METTL13: variants seen among roughly 807,000 people sequenced by gnomAD.
The protein encoded by METTL13 is eEF1A lysine and N-terminal methyltransferase.
Under a neutral mutation model 67.4 loss-of-function variants are expected in METTL13, and 52 were observed. The ratio of observed to expected loss-of-function variants is 0.77; its 90% CI spans 0.62 to 0.97. The LOEUF is 0.97. Ranked by LOEUF, METTL13 falls within the 50% of genes least tolerant of loss-of-function variation. The probability of loss-of-function intolerance (pLI) is 0.00; values close to 1 mark genes in which losing one functional copy is unlikely to be tolerated. For synonymous variants in METTL13, 354 were observed against 353.6 expected (o/e 1.00, Z -0.01); for missense variants, 825 against 889.6 (o/e 0.93, Z 0.92).
chr1:171,783,931 C>A lies in METTL13; in HGVS notation c.345C>A (p.Phe115Leu), dbSNP rs2124896386. 1.2e-6 allele frequency: 2 copies of A among 1,614,182 alleles called. No homozygotes were observed. The highest frequency in any genetic ancestry group is 2.2e-5 in the South Asian group (2 of 91,084). Residue 115 changes from phenylalanine to leucine, a missense_variant, in exon 2 of 8, where the codon TTC (phenylalanine) becomes TTA (leucine). Phe to Leu is a conservative substitution (Grantham distance 22). Transcript: ENST00000361735. ...MTQMEFPDAS[F>L]QVVLDKGTLD... ...AGATGGAGTTTCCTGATGCCTCGTT[C>A]CAGGTGGTGTTGGACAAGGGCACCC...
chr1:171,785,228 G>A (rs1230737390), intron 2 of METTL13, among the ~76,000 whole-genome samples: 1 of 152,210 alleles, frequency 6.6e-6, no homozygotes, highest in Non-Finnish European at 1.5e-5. Flanking sequence ...AAAAAAGATA[G>A]TAGGAGGAAG....
intron 1 of METTL13, among the ~76,000 whole-genome samples, chr1:171,782,540 C>G (rs1377656275): frequency 2.0e-5 from 3 of 151,146 alleles, no homozygotes; most frequent in Non-Finnish European, 4.4e-5. Context: ...TGCACTCCAG[C>G]CTGGGTGACA....
rs776090004 is a variant in METTL13, at chr1:171,781,967, C to T, written c.-1C>T. The T allele has an allele frequency of 1.9e-6, 3 of 1,614,124 alleles. No homozygotes were observed. Among genetic ancestry groups the T allele is most frequent in the Non-Finnish European group, 1.7e-6 (2 of 1,180,000 alleles). On this transcript the variant is annotated 5_prime_UTR_variant, in exon 1 of 8. Transcript: ENST00000361735. Reference sequence around the variant, plus strand: ...GAAAACGCAGCTTCGGCAGTAGGAACATGAACCTCTTACCTAAAAGTTCCA... The same window carrying T: ...GAAAACGCAGCTTCGGCAGTAGGAATATGAACCTCTTACCTAAAAGTTCCA...
chr1:171,796,432 C>CA, intron 7 of METTL13, 50 bp from the exon 8 acceptor site: 1 of 1,595,758 alleles, frequency 6.3e-7, no homozygotes, highest in African/African-American at 1.3e-5. Context: ...CCTTGTCTTT[C>CA]ATATGTCTCC....
At chr1:171,788,625 G>A (rs1039686266) in intron 4 of METTL13, among the ~76,000 whole-genome samples, 1 of 152,164 alleles carries the variant, frequency 6.6e-6, no homozygotes, top group Admixed American at 6.5e-5. Context: ...CCCCGATGGG[G>A]AATCAATAGT....
chr1:171,789,849 A>C (rs10913685), intron 4 of METTL13, among the ~76,000 whole-genome samples: 1 of 108,794 alleles, frequency 9.2e-6, no homozygotes, highest in East Asian at 2.4e-4. Flanking sequence ...GGGGCGGGGT[A>C]GGGGGGGCAC....
Position 171,786,081 on chromosome 1 carries a change from A to T in METTL13, c.1113+3A>T, listed in dbSNP as rs1656999915. On this transcript the variant is annotated splice_donor_region_variant and intron_variant, in intron 3 of 7. Transcript: ENST00000361735. Reference sequence around the variant, plus strand: ...CTGGGATGCCCACCCAGCAGCAGGTAACAAAGCTTTCGTACGGCTTTCATG... The same window carrying T: ...CTGGGATGCCCACCCAGCAGCAGGTTACAAAGCTTTCGTACGGCTTTCATG... The T allele has an allele frequency of 1.2e-6, 2 of 1,611,522 alleles. No homozygotes were observed. The highest frequency in any genetic ancestry group is 1.7e-6 in the Non-Finnish European group (2 of 1,178,674).
chr1:171,788,383 G>C (rs78369907), intron 4 of METTL13, among the ~76,000 whole-genome samples: 6,212 of 152,248 alleles, frequency 0.041, 436 homozygotes, highest in African/African-American at 0.14. Context: ...TGAAGGAGAT[G>C]TTTAGTTCCT....
chr1:171,785,725 A>G (rs732304), intron 2 of METTL13, among the ~76,000 whole-genome samples, 154 bp from the exon 3 acceptor site: 75,694 of 152,004 alleles, frequency 0.5, 19,254 homozygotes, highest in East Asian at 0.64. Context: ...TTTGCCCTAG[A>G]TGTTGTGAAC....
At chr1:171,788,290 AC>A (rs1305846937) in intron 4 of METTL13, among the ~76,000 whole-genome samples, 3 of 152,170 alleles carry the variant, frequency 2.0e-5, no homozygotes, top group Non-Finnish European at 4.4e-5. Flanking sequence ...CCATAGTGTG[AC>A]TCACCTGTTT....
intron 6 of METTL13, 78 bp from the exon 7 acceptor site, chr1:171,794,316 AAG>A: frequency 6.3e-7 from 1 of 1,587,284 alleles, no homozygotes; most frequent in African/African-American, 1.3e-5. Context: ...ACCACTGGTA[AAG>A]AGGAGGTATA....
intron 7 of METTL13, 122 bp from the exon 8 acceptor site, chr1:171,796,360 A>C (rs898896711): frequency 8.5e-7 from 1 of 1,175,872 alleles, no homozygotes; most frequent in Non-Finnish European, 1.2e-6. Context: ...ACTCATCACC[A>C]CCGTGTGTTT....
chr1:171,785,034 T>G (rs1005146148), intron 2 of METTL13, among the ~76,000 whole-genome samples: 8 of 152,216 alleles, frequency 5.3e-5, no homozygotes, highest in African/African-American at 1.9e-4. Flanking sequence ...CTCAGTCATT[T>G]CCTGATGGTG....
chr1:171,783,489 T>C (rs552494486), intron 1 of METTL13, among the ~76,000 whole-genome samples: 1 of 152,368 alleles, frequency 6.6e-6, no homozygotes, highest in East Asian at 1.9e-4. Context: ...ATGATTAATT[T>C]GTTTCTGCAA....
At chr1:171,785,177 C>T (rs1571164576) in intron 2 of METTL13, among the ~76,000 whole-genome samples, 1 of 152,124 alleles carries the variant, frequency 6.6e-6, no homozygotes, top group African/African-American at 2.4e-5. Flanking sequence ...GCCATTATTA[C>T]TGAAAGCAGT....
chr1:171,796,955 C>T lies in METTL13; in HGVS notation c.*199C>T, dbSNP rs945808407. On this transcript the variant is annotated 3_prime_UTR_variant, in exon 8 of 8. Coordinates refer to ENST00000361735, the MANE Select transcript of METTL13 (RefSeq NM_015935.5). ...AATGTCCTTCCCATCTTGTCCTCTT[C>T]AGTACCACTTGGGTTGGTTTGTCTT... The T allele has an allele frequency of 9.1e-6, 6 of 658,228 alleles. No homozygotes were observed. Among genetic ancestry groups the T allele is most frequent in the Non-Finnish European group, 1.5e-5 (6 of 403,116 alleles). 40.8% of individuals were successfully genotyped at this position (658,228 alleles called of 1,614,324 possible). A position where few individuals can be genotyped will look rare whatever the true frequency, so the allele number is the denominator to read the frequency against.
At position 171,782,085 on chromosome 1, in the gene METTL13, G is replaced by A. The variant is rs1440669133; in HGVS notation, c.118G>A (p.Gly40Arg). 1 of 1,613,962 alleles carries A rather than the reference G, an allele frequency of 6.2e-7. No individual in the cohort carries two copies. Among genetic ancestry groups the A allele is most frequent in the African/African-American group, 1.3e-5 (1 of 74,876 alleles). Reference protein sequence around the residue: ...EWYGTYLELCGVLHKYIKPRE... With the variant: ...EWYGTYLELCRVLHKYIKPRE... ...GTATGGAACCTACCTGGAACTGTGC[G>A]GGGTGCTACATAAATATATCAAGCC... Residue 40 changes from glycine (G) to arginine (R), a missense_variant, in exon 1 of 8, where the codon GGG (glycine) becomes AGG (arginine). By Grantham distance (125) the Gly-to-Arg change is moderately radical (BLOSUM62 -2). Transcript: ENST00000361735.
intron 4 of METTL13, 111 bp downstream of exon 4, chr1:171,788,041 C>T: frequency 1.0e-6 from 1 of 998,804 alleles, no homozygotes; most frequent in Non-Finnish European, 1.5e-6. Flanking sequence ...AGGTTCTTAA[C>T]CATCTGGACT....
chr1:171,782,306 C>T (rs777526129), intron 1 of METTL13, among the ~76,000 whole-genome samples, 186 bp downstream of exon 1: 1 of 152,100 alleles, frequency 6.6e-6, no homozygotes, highest in Non-Finnish European at 1.5e-5. Flanking sequence ...CGCAGTGGCT[C>T]ACACCTGTAA....
Sources: allele counts gnomAD v4.1 joint callset (sites outside exome capture counted in the v4.1 genomes callset), GRCh38; gene constraint gnomAD v4.1.1; transcripts MANE v1.5; gene names NCBI Gene and HGNC (gene_info 2026-07-23, HGNC 2026-07-21).